Variants in SH3BP4 observed in about 807,000 individuals in gnomAD.
The protein encoded by SH3BP4 is SH3 domain binding protein 4.
A neutral mutation model predicts 65.5 loss-of-function variants in SH3BP4; 33 were observed. The observed-to-expected ratio is 0.50, with a 90% CI of 0.38 to 0.67. SH3BP4 has a LOEUF of 0.67. Ranked by LOEUF, SH3BP4 falls within the 30% of genes least tolerant of loss-of-function variation. The pLI is 0.00. For missense variants in SH3BP4, 1,134 were observed against 1,261.4 expected, an observed-to-expected ratio of 0.90 and a Z score of 1.53; for synonymous variants, 552 against 545.5, an observed-to-expected ratio of 1.01 and a Z score of -0.17.
intron 2 of SH3BP4, among the ~76,000 whole-genome samples, chr2:235,027,975 G>A (rs906982095): frequency 6.6e-6 from 1 of 152,176 alleles, no homozygotes; most frequent in Non-Finnish European, 1.5e-5. Context: ...CAGCCGTAGC[G>A]GAGGGGGTGT....
intron 2 of SH3BP4, among the ~76,000 whole-genome samples, chr2:235,011,659 G>A (rs368728721): frequency 1.3e-5 from 2 of 152,118 alleles, no homozygotes; most frequent in East Asian, 3.9e-4. Context: ...TGTATTCCTG[G>A]CAAAGGCTCA....
At chr2:234,968,279 A>G (rs1692889873) in intron 1 of SH3BP4, among the ~76,000 whole-genome samples, 1 of 151,912 alleles carries the variant, frequency 6.6e-6, no homozygotes. Flanking sequence ...GGTTGCAGAA[A>G]CACGGCCACC....
chr2:235,048,521 TAG>T (rs1229103031), intron 4 of SH3BP4, among the ~76,000 whole-genome samples: 1 of 150,394 alleles, frequency 6.6e-6, no homozygotes, highest in East Asian at 2.0e-4. Context: ...TTGTCTGTAG[TAG>T]AGACAAGGTT....
At chr2:235,044,179 T>TC (rs1323283567) in intron 4 of SH3BP4, among the ~76,000 whole-genome samples, 37 of 152,180 alleles carry the variant, frequency 2.4e-4, no homozygotes, top group Non-Finnish European at 1.5e-4. Context: ...TGTTTCCACT[T>TC]CCCCCTCTGT....
chr2:235,017,379 G>C (rs923226598), intron 2 of SH3BP4, among the ~76,000 whole-genome samples: 3 of 150,392 alleles, frequency 2.0e-5, no homozygotes, highest in African/African-American at 7.4e-5. Context: ...CCAAGAGGCA[G>C]AGGTTGCAGT....
intron 1 of SH3BP4, among the ~76,000 whole-genome samples, chr2:234,953,982 A>G (rs1268599766): frequency 1.3e-5 from 2 of 151,780 alleles, no homozygotes; most frequent in African/African-American, 2.4e-5. Context: ...CAGATTGCCC[A>G]CTGCCTGATG....
In SH3BP4 at chr2:234,952,898, G is replaced by C. The variant is rs1692506961; in HGVS notation, c.-207+728G>C. On this transcript the variant is annotated intron_variant, in intron 1 of 5. Transcript: ENST00000392011. This position sits in a 1 kb window ranked among gnomAD's most constrained non-coding sequence, Gnocchi z 6.5. Reference sequence around the variant, plus strand: ...CGCGGCACGGGCGGGTGTCAGTTGGGACCCCAACCCTGGGTCCCGCGGCTC... The same window carrying C: ...CGCGGCACGGGCGGGTGTCAGTTGGCACCCCAACCCTGGGTCCCGCGGCTC... 6.6e-6 allele frequency: 1 copy of C among 152,162 alleles called. No homozygotes were observed. The highest frequency in any genetic ancestry group is 2.4e-5 in the African/African-American group (1 of 41,442). 9.4% of individuals were successfully genotyped at this position (152,162 alleles called of 1,614,324 possible). A position where few individuals can be genotyped will look rare whatever the true frequency, so the allele number is the denominator to read the frequency against.
chr2:234,992,738 GA>G (rs1693788621), intron 1 of SH3BP4, among the ~76,000 whole-genome samples: 1 of 145,712 alleles, frequency 6.9e-6, no homozygotes, highest in Non-Finnish European at 1.6e-5. Flanking sequence ...CCTGGAGATG[GA>G]TGCATTCCTG....
Position 235,045,456 on chromosome 2 carries a change from G to A in SH3BP4, c.2478+2209G>A, listed in dbSNP as rs1250335368. 6.6e-6 allele frequency among the ~76,000 whole-genome samples: 1 copy of A among 152,044 alleles called. No homozygotes were observed. The highest frequency in any genetic ancestry group is 1.9e-4 in the East Asian group (1 of 5,180). On this transcript the variant is annotated intron_variant, in intron 4 of 5. Transcript: ENST00000392011. This position sits in a 1 kb window ranked among gnomAD's most constrained non-coding sequence, Gnocchi z 4.3. ...TCTCTGGGAGGGGATTTTTTGGTGG[G>A]CCTCCCTGTCCGCTCCAGGGAGGGG...
At chr2:235,012,426 T>A (rs1694539561) in intron 2 of SH3BP4, among the ~76,000 whole-genome samples, 1 of 152,228 alleles carries the variant, frequency 6.6e-6, no homozygotes, top group African/African-American at 2.4e-5. Flanking sequence ...ACGCCTGAGT[T>A]GTCTGCCAAG....
intron 1 of SH3BP4, among the ~76,000 whole-genome samples, chr2:234,955,899 T>C (rs1033159892): frequency 1.3e-5 from 2 of 152,214 alleles, no homozygotes; most frequent in Non-Finnish European, 2.9e-5. Context: ...CCTTAGACTT[T>C]AATGAGTGCT....
intron 2 of SH3BP4, among the ~76,000 whole-genome samples, chr2:235,009,613 G>A (rs56310932): frequency 0.14 from 21,758 of 151,830 alleles, 1,819 homozygotes; most frequent in East Asian, 0.3. Flanking sequence ...CCTGCCTTTG[G>A]TGGTAACTGT....
rs1212730924 is a variant in SH3BP4 at position 234,978,533 on chromosome 2, T to C, written c.-206-16770T>C. Among the ~76,000 whole-genome samples the C allele has an allele frequency of 6.6e-6, 1 of 152,224 alleles. No individual in the cohort carries two copies. The highest frequency in any genetic ancestry group is 1.5e-5 in the Non-Finnish European group (1 of 68,048). The stretch of plus-strand genomic sequence containing the variant: ...GGTGAACTCTCCGGCTGGGCTCCTT[T>C]CCTGCTGCAGGTGCCGCGTCTCTTT... On this transcript the variant is annotated intron_variant, in intron 1 of 5. Transcript: ENST00000392011. This position sits in a 1 kb window ranked among gnomAD's most constrained non-coding sequence, Gnocchi z 4.1.
rs998187871 is a variant in SH3BP4, at chr2:234,997,156, G to A, written c.-133+1780G>A. Among the ~76,000 whole-genome samples, 6 of 152,196 alleles carry A rather than the reference G, an allele frequency of 3.9e-5. No homozygotes were observed. The highest frequency in any genetic ancestry group is 7.2e-5 in the African/African-American group (3 of 41,454). On this transcript the variant is annotated intron_variant, in intron 2 of 5. Transcript: ENST00000392011. This position sits in a 1 kb window ranked among gnomAD's most constrained non-coding sequence, Gnocchi z 4.2. ...TCTGGGTGGGGTGTAGGGGTGCTTG[G>A]GGGCGTGGGTCCCCACAGCAGTTAG...
chr2:234,979,887 G>A (rs941417307), intron 1 of SH3BP4: 3 of 152,206 alleles, frequency 2.0e-5, no homozygotes, highest in African/African-American at 4.8e-5. Context: ...CCCCAGCCTG[G>A]GCCAAGACTT....
intron 1 of SH3BP4, among the ~76,000 whole-genome samples, chr2:234,969,634 C>T (rs940215070): frequency 1.3e-5 from 2 of 152,204 alleles, no homozygotes; most frequent in Non-Finnish European, 2.9e-5. Flanking sequence ...TAAGCCTCCG[C>T]TTTTCCACAC....
Position 234,997,003 on chromosome 2 carries a change from G to A in SH3BP4, c.-133+1627G>A, listed in dbSNP as rs1410993365. ...TCTGGGAAGAGGAACGGGAGGGTGG[G>A]ACGGGTGCCGCCATCCCACAGCGGT... is the stretch of plus-strand genomic sequence containing the variant. On this transcript the variant is annotated intron_variant, in intron 2 of 5. Coordinates refer to ENST00000392011, the MANE Select transcript of SH3BP4 (RefSeq NM_014521.3). The surrounding 1 kb of genome is among the most constrained non-coding windows in gnomAD (Gnocchi z 4.2). Among the ~76,000 whole-genome samples the A allele has an allele frequency of 6.9e-6, 1 of 145,832 alleles. No individual in the cohort carries two copies. Among genetic ancestry groups the A allele is most frequent in the African/African-American group, 2.5e-5 (1 of 40,378 alleles).
rs1397433563 is a variant in SH3BP4 at position 234,952,134 on chromosome 2, G to T, written c.-243G>T. Reference sequence around the variant, plus strand: ...GGGCCGAGCCGCTGGCCGACGAGCGGAGCCTCAGGAGCCGGCGGGGACGCC... The same window carrying T: ...GGGCCGAGCCGCTGGCCGACGAGCGTAGCCTCAGGAGCCGGCGGGGACGCC... On this transcript the variant is annotated 5_prime_UTR_variant, in exon 1 of 6. Transcript: ENST00000392011. The surrounding 1 kb of genome is among the most constrained non-coding windows in gnomAD (Gnocchi z 6.5). 6.7e-6 allele frequency: 1 copy of T among 148,978 alleles called. No individual in the cohort carries two copies. Among genetic ancestry groups the T allele is most frequent in the Non-Finnish European group, 1.5e-5 (1 of 66,584 alleles). 9.2% of individuals were successfully genotyped at this position (148,978 alleles called of 1,614,324 possible).
chr2:234,995,854 A>T (rs558265547), intron 2 of SH3BP4: 1 of 152,370 alleles, frequency 6.6e-6, no homozygotes, highest in African/African-American at 2.4e-5. Context: ...ATGGGGATGG[A>T]CCCGCGGTTA....
Sources: allele counts gnomAD v4.1 joint callset (sites outside exome capture counted in the v4.1 genomes callset), GRCh38; gene constraint gnomAD v4.1.1; non-coding constraint Gnocchi (gnomAD v3.1); transcripts MANE v1.5; gene names NCBI Gene and HGNC (gene_info 2026-07-23, HGNC 2026-07-21).